Variants in MMAA observed in about 807,000 individuals in gnomAD.
The protein encoded by MMAA is metabolism of cobalamin associated A.
A neutral mutation model predicts 45.0 loss-of-function variants in MMAA; 41 were observed. That is an observed-to-expected ratio of 0.91 (90% confidence interval 0.71 to 1.18). MMAA has a LOEUF of 1.18. Among genes scored for constraint, MMAA ranks in the 50% most tolerant of loss-of-function variants. MMAA has a pLI of 0.00. For synonymous variants in MMAA, 154 were observed against 178.2 expected, an observed-to-expected ratio of 0.86 and a Z score of 1.08; for missense variants, 460 against 495.7, an observed-to-expected ratio of 0.93 and a Z score of 0.68.
At chr4:145,631,633 A>G (rs1206010966) in intron 1 of MMAA, among the ~76,000 whole-genome samples, 1 of 152,100 alleles carries the variant, frequency 6.6e-6, no homozygotes, top group Non-Finnish European at 1.5e-5. Flanking sequence ...CAGAGAGTTT[A>G]GTCCATTTAC....
intron 1 of MMAA, among the ~76,000 whole-genome samples, chr4:145,631,430 T>C (rs192764167): frequency 6.6e-6 from 1 of 152,228 alleles, no homozygotes; most frequent in African/African-American, 2.4e-5. Context: ...AGTTTTTGTC[T>C]TGAAATCTAT....
chr4:145,648,763 C>T (rs1319205219), intron 4 of MMAA, among the ~76,000 whole-genome samples: 1 of 152,106 alleles, frequency 6.6e-6, no homozygotes, highest in Non-Finnish European at 1.5e-5. Context: ...GGCAGGCAGG[C>T]TGCTTGAACC....
At chr4:145,621,469 T>G (rs1734086035) in intron 1 of MMAA, among the ~76,000 whole-genome samples, 1 of 152,252 alleles carries the variant, frequency 6.6e-6, no homozygotes, top group South Asian at 2.1e-4. Context: ...TTGTTCTTTA[T>G]TACTCTTAAC....
At chr4:145,650,898 G>A in intron 4 of MMAA, 164 bp from the exon 5 acceptor site, 1 of 691,530 alleles carries the variant, frequency 1.4e-6, no homozygotes, top group South Asian at 1.6e-5. Flanking sequence ...GGTAAGATAT[G>A]ACATTTAATA....
chr4:145,626,282 G>A (rs1160131068), intron 1 of MMAA, among the ~76,000 whole-genome samples: 3 of 152,178 alleles, frequency 2.0e-5, no homozygotes, highest in Non-Finnish European at 4.4e-5. Context: ...GCCTGTGACA[G>A]TATATAAAGG....
At chr4:145,637,587 A>G (rs1042189095) in intron 1 of MMAA, among the ~76,000 whole-genome samples, 4 of 152,178 alleles carry the variant, frequency 2.6e-5, no homozygotes, top group Admixed American at 2.0e-4. Context: ...TTTCATGTTC[A>G]TCGGCCTTGA....
chr4:145,642,510 A>C, intron 3 of MMAA, 25 bp downstream of exon 3: 1 of 1,613,768 alleles, frequency 6.2e-7, no homozygotes, highest in Non-Finnish European at 8.5e-7. Flanking sequence ...TTCTTTTTCA[A>C]TTGCAGAGGT....
At chr4:145,625,765 G>C in intron 1 of MMAA, 1 of 1,250,068 alleles carries the variant, frequency 8.0e-7, no homozygotes, top group Non-Finnish European at 1.2e-6. Context: ...CAGTAGAGCT[G>C]CTGAGCCTGC....
At chr4:145,642,700 A>G in intron 3 of MMAA, 1 of 575,846 alleles carries the variant, frequency 1.7e-6, no homozygotes, top group South Asian at 1.9e-5. Flanking sequence ...CTCAGTGGGC[A>G]CTCAGAAAAC....
At chr4:145,646,657 A>T (rs1342868468) in intron 4 of MMAA, 1 of 166,852 alleles carries the variant, frequency 6.0e-6, no homozygotes, top group East Asian at 1.7e-4. Context: ...TTACTGTGGG[A>T]TAAATGTTTG....
chr4:145,625,989 G>T, intron 1 of MMAA: 4 of 1,484,654 alleles, frequency 2.7e-6, no homozygotes, highest in Non-Finnish European at 3.8e-6. Flanking sequence ...CCTCAAAAGG[G>T]GTTCTCTATT....
chr4:145,629,644 T>C (rs1734286177), intron 1 of MMAA, among the ~76,000 whole-genome samples: 1 of 152,098 alleles, frequency 6.6e-6, no homozygotes, highest in African/African-American at 2.4e-5. Context: ...GACTGAGCAA[T>C]TTAAAAAAGA....
At chr4:145,639,627 T>A in intron 2 of MMAA, 49 bp downstream of exon 2, 1 of 1,563,626 alleles carries the variant, frequency 6.4e-7, no homozygotes, top group Non-Finnish European at 8.6e-7. Context: ...ACAAATTCTC[T>A]GTATTCTGTT....
At chr4:145,642,038 G>A (rs1727802497) in intron 2 of MMAA, among the ~76,000 whole-genome samples, 1 of 152,166 alleles carries the variant, frequency 6.6e-6, no homozygotes, top group South Asian at 2.1e-4. Context: ...GGCAGATGTA[G>A]AAACTGAGCA....
rs369712158 is a variant in MMAA, at chr4:145,654,158, A to G, written c.969+15A>G. ...GGAAACCAAAGGTAAGCTTGCTTGC[A>G]TTCTGTATCTTTCACTCTGAATGGA... On this transcript the variant is annotated intron_variant, in intron 6 of 6. Transcript: ENST00000649156. The G allele has an allele frequency of 1.7e-5, 27 of 1,613,990 alleles. No individual in the cohort carries two copies. The highest frequency in any genetic ancestry group is 4.5e-5 in the East Asian group (2 of 44,886).
At chr4:145,623,669 C>T (rs1360115053) in intron 1 of MMAA, among the ~76,000 whole-genome samples, 3 of 152,088 alleles carry the variant, frequency 2.0e-5, no homozygotes. Flanking sequence ...TATTAATAGA[C>T]TAGGAAAATC....
Position 145,657,327 on chromosome 4 carries a change from G to C in MMAA, c.*1893G>C, listed in dbSNP as rs1728261290. On this transcript the variant is annotated 3_prime_UTR_variant, in exon 7 of 7. Coordinates refer to ENST00000649156, the MANE Select transcript of MMAA (RefSeq NM_172250.3). The stretch of plus-strand genomic sequence containing the variant: ...ATTTCTAAGAGATTTTTTCACCTCT[G>C]TTTCTGTTATTTGCTATACTGGAGG... 6.6e-6 allele frequency: 1 copy of C among 151,798 alleles called. No individual in the cohort carries two copies. Among genetic ancestry groups the C allele is most frequent in the Non-Finnish European group, 1.5e-5 (1 of 67,966 alleles). The allele number at this position is 151,798 out of a possible 1,614,324, so 9.4% of individuals were successfully genotyped here.
chr4:145,633,010 G>T (rs190668267), intron 1 of MMAA, among the ~76,000 whole-genome samples: 1 of 151,746 alleles, frequency 6.6e-6, no homozygotes, highest in Non-Finnish European at 1.5e-5. Context: ...GCCTCCCAAA[G>T]TGCTGAGATT....
At chr4:145,646,385 G>A (rs1440108104) in intron 4 of MMAA, 3 of 505,590 alleles carry the variant, frequency 5.9e-6, no homozygotes, top group Non-Finnish European at 1.1e-5. Flanking sequence ...CTGTTATACA[G>A]GTGGTATATT....
Sources: gnomAD v4.1 joint callset for allele counts (sites outside exome capture counted in the v4.1 genomes callset) on GRCh38, gnomAD v4.1.1 for gene constraint, MANE v1.5 for transcripts, NCBI Gene and HGNC (gene_info 2026-07-23, HGNC 2026-07-21) for gene names.